The following SPTLC1 variants were observed in gnomAD, a reference collection of about 807,000 sequenced individuals.
SPTLC1 encodes serine palmitoyltransferase long chain base subunit 1.
SPTLC1 carries 55 observed loss-of-function variants against 68.9 expected under a neutral mutation model. That is an observed-to-expected ratio of 0.80 (90% CI 0.64 to 1.00). The LOEUF (loss-of-function observed/expected upper bound fraction) is 1.00. Among genes scored for constraint, SPTLC1 ranks in the 50% least tolerant of loss-of-function variants. SPTLC1 has a pLI of 0.00. For synonymous variants in SPTLC1, 197 were observed against 201.6 expected (o/e 0.98, Z 0.19); for missense variants, 449 against 573.1 (o/e 0.78, Z 2.21).
rs142870720 is a variant in SPTLC1, at chr9:92,065,180, G to C, written c.560+2786C>G. 2.6e-3 allele frequency among the ~76,000 whole-genome samples: 391 copies of C among 152,294 alleles called. 2 individuals carry two copies. Among genetic ancestry groups the C allele is most frequent in the African/African-American group, 8.9e-3 (370 of 41,554 alleles). On this transcript the variant is annotated intron_variant, in intron 6 of 14. Transcript: ENST00000262554. Reference sequence around the variant, plus strand: ...AATGTAAAAAGTTTAATTTTAAAAAGATCTGTGAAGCAGCATGAACACATA... The same window carrying C: ...AATGTAAAAAGTTTAATTTTAAAAACATCTGTGAAGCAGCATGAACACATA...
chr9:92,082,308 T>A (rs1160354326), intron 3 of SPTLC1, among the ~76,000 whole-genome samples: 1 of 152,022 alleles, frequency 6.6e-6, no homozygotes, highest in African/African-American at 2.4e-5. Flanking sequence ...GTTACATATC[T>A]ATACATGTGA....
chr9:92,099,925 C>A (rs566002037), intron 3 of SPTLC1, among the ~76,000 whole-genome samples: 68 of 152,034 alleles, frequency 4.5e-4, no homozygotes, highest in Non-Finnish European at 7.5e-4. Flanking sequence ...TAGGTGCGTA[C>A]CAGGTTATAG....
chr9:92,076,406 A>G (rs777751702), intron 5 of SPTLC1, among the ~76,000 whole-genome samples: 25 of 152,130 alleles, frequency 1.6e-4, no homozygotes, highest in Non-Finnish European at 2.6e-4. Flanking sequence ...CCAGTGGCCA[A>G]TATTTCTCCT....
chr9:92,095,710 C>T (rs753143537), intron 3 of SPTLC1, among the ~76,000 whole-genome samples: 1 of 152,044 alleles, frequency 6.6e-6, no homozygotes, highest in African/African-American at 2.4e-5. Flanking sequence ...CTAAACCCAC[C>T]CAGACCAGAA....
rs1024257505 is a variant in SPTLC1, at chr9:92,104,494, C to T, written c.260+4246G>A. ...GGTCCTGCCTCCTGTGGTCTGGAGC[C>T]CCCCCCTCAAGGAAGAAACCCGTGC... On this transcript the variant is annotated intron_variant, in intron 3 of 14. Coordinates refer to ENST00000262554, the MANE Select transcript of SPTLC1 (RefSeq NM_006415.4). 85 of 1,408,850 alleles carry T rather than the reference C, an allele frequency of 6.0e-5. 1 individual carries two copies. In the East Asian group the frequency reaches 1.0e-3, roughly 17 times the overall value. The allele number at this position is 1,408,850 out of a possible 1,614,324, so 87.3% of individuals were successfully genotyped here. A position where few individuals can be genotyped will look rare whatever the true frequency, so the allele number is the denominator to read the frequency against.
At chr9:92,063,843 T>A (rs1834187192) in intron 6 of SPTLC1, among the ~76,000 whole-genome samples, 1 of 151,876 alleles carries the variant, frequency 6.6e-6, no homozygotes, top group South Asian at 2.1e-4. Context: ...AAAAAAAAGA[T>A]GAGGTGCAGG....
chr9:92,040,888 G>T (rs972879677), intron 12 of SPTLC1, among the ~76,000 whole-genome samples: 1 of 152,178 alleles, frequency 6.6e-6, no homozygotes, highest in African/African-American at 2.4e-5. Context: ...CCCTGTCTCT[G>T]GTTGCCTAGA....
Position 92,034,823 on chromosome 9 carries a change from G to A in SPTLC1, c.1315C>T (p.Leu439Phe), listed in dbSNP as rs756568148. 6.2e-7 allele frequency: 1 copy of A among 1,614,012 alleles called. No individual in the cohort carries two copies. The highest frequency in any genetic ancestry group is 8.5e-7 in the Non-Finnish European group (1 of 1,179,910). The change falls in exon 14 of 15, where the codon CTC becomes TTC. Residue 439 changes from leucine (L) to phenylalanine (F), a missense_variant. Transcript: ENST00000262554. The stretch of plus-strand genomic sequence containing the variant: ...ACGTCAACTGACCTGGGAGGAGGGA[G>A]ACACTTCTCTTCTTTCTCCAAGTAG... ...ARYLEKEEKC[L>F]PPPSIRVVVT... is the part of the protein sequence containing the mutation.
At chr9:92,115,199 G>C in intron 1 of SPTLC1, 115 bp downstream of exon 1, 1 of 1,010,344 alleles carries the variant, frequency 9.9e-7, no homozygotes, top group East Asian at 2.5e-5. Context: ...GAGGCACCGA[G>C]TCTGGGCGTG....
chr9:92,053,291 TA>T (rs1833774890), intron 8 of SPTLC1, among the ~76,000 whole-genome samples: 1 of 152,210 alleles, frequency 6.6e-6, no homozygotes, highest in South Asian at 2.1e-4. Flanking sequence ...AGAGAAACTG[TA>T]ACCCTGGTAT....
intron 3 of SPTLC1, among the ~76,000 whole-genome samples, chr9:92,082,094 T>C (rs1397027172): frequency 3.3e-5 from 5 of 152,192 alleles, no homozygotes; most frequent in Non-Finnish European, 7.4e-5. Flanking sequence ...CTGACCTCTG[T>C]GATTCTCAGT....
chr9:92,051,699 T>C (rs1484142273), intron 8 of SPTLC1, among the ~76,000 whole-genome samples: 2 of 152,232 alleles, frequency 1.3e-5, no homozygotes, highest in African/African-American at 2.4e-5. Context: ...ACAGATGGTG[T>C]AATCTTATAC....
chr9:92,053,534 A>G (rs1307426638), intron 8 of SPTLC1, among the ~76,000 whole-genome samples: 3 of 152,266 alleles, frequency 2.0e-5, no homozygotes, highest in African/African-American at 7.2e-5. Context: ...GTGGATGAAC[A>G]TATAAAACAA....
chr9:92,060,743 TAAA>T (rs777447484), intron 6 of SPTLC1, among the ~76,000 whole-genome samples: 6 of 125,576 alleles, frequency 4.8e-5, no homozygotes, highest in African/African-American at 8.8e-5. Context: ...CATCTCTACT[TAAA>T]AAAAAAAAAA....
At chr9:92,059,080 T>A in intron 7 of SPTLC1, 99 bp downstream of exon 7, 1 of 1,419,624 alleles carries the variant, frequency 7.0e-7, no homozygotes, top group Non-Finnish European at 9.7e-7. Flanking sequence ...CCAAATGTGA[T>A]CCACAGGCAA....
At position 92,115,152 on chromosome 9, in the gene SPTLC1, C is replaced by T. The variant is rs546663367; in HGVS notation, c.57+162G>A. 3.6e-5 allele frequency: 25 copies of T among 694,914 alleles called. No homozygotes were observed. In the East Asian group the frequency reaches 6.5e-4, roughly 18 times the overall value. The allele number at this position is 694,914 out of a possible 1,614,324, so 43.0% of individuals were successfully genotyped here. On this transcript the variant is annotated intron_variant, in intron 1 of 14. Coordinates refer to ENST00000262554, the MANE Select transcript of SPTLC1 (RefSeq NM_006415.4). Reference sequence around the variant, plus strand: ...CCGCCCGTTCCTCCCTACACTCAACCGCTGGGACTAGAAGCTCCCGGCAGT... The same window carrying T: ...CCGCCCGTTCCTCCCTACACTCAACTGCTGGGACTAGAAGCTCCCGGCAGT...
intron 3 of SPTLC1, among the ~76,000 whole-genome samples, chr9:92,100,829 T>C (rs988600706): frequency 2.8e-5 from 4 of 143,198 alleles, no homozygotes; most frequent in African/African-American, 1.0e-4. Context: ...AAATGGATAC[T>C]AGCAAAAGAA....
chr9:92,078,001 T>C (rs1370859990), intron 5 of SPTLC1, among the ~76,000 whole-genome samples: 1 of 152,110 alleles, frequency 6.6e-6, no homozygotes, highest in African/African-American at 2.4e-5. Flanking sequence ...CCAGAGATTG[T>C]TGGCTATGTA....
intron 3 of SPTLC1, among the ~76,000 whole-genome samples, chr9:92,092,459 T>C (rs1271933141): frequency 1.3e-5 from 2 of 152,168 alleles, no homozygotes; most frequent in East Asian, 1.9e-4. Flanking sequence ...CCGGGTGCAG[T>C]GACTCATGCC....
Sources: gnomAD v4.1 joint callset for allele counts (sites outside exome capture counted in the v4.1 genomes callset) on GRCh38, gnomAD v4.1.1 for gene constraint, MANE v1.5 for transcripts, NCBI Gene and HGNC (gene_info 2026-07-23, HGNC 2026-07-21) for gene names.